The following DMD variants were observed in gnomAD, a reference collection of about 807,000 sequenced individuals.
DMD encodes the protein dystrophin, also known as mutant dystrophin.
A neutral mutation model predicts 330.1 loss-of-function variants in DMD; 63 were observed. That is an observed-to-expected ratio of 0.19 (90% CI 0.16 to 0.24). The LOEUF is 0.24. DMD is among the 10% of genes least tolerant of loss of function. DMD has a pLI of 1.00. For synonymous variants in DMD, 1,223 were observed against 959.8 expected, an observed-to-expected ratio of 1.27 and a Z score of -5.07; for missense variants, 3,344 against 2,684.1, an observed-to-expected ratio of 1.25 and a Z score of -5.43.
chrX:31,837,653 C>T (rs2093231432), intron 48 of DMD, among the ~76,000 whole-genome samples: 1 of 111,472 alleles, frequency 9.0e-6, no homozygotes, highest in African/African-American at 3.3e-5. Context: ...GAGAGCAGCT[C>T]CTGATTAACC....
chrX:32,975,510 C>T (rs1232987561), intron 2 of DMD, among the ~76,000 whole-genome samples: 2 of 109,101 alleles, frequency 1.8e-5, no homozygotes, highest in South Asian at 4.0e-4. Flanking sequence ...ACAACAAAAT[C>T]GTGATTTTGT....
chrX:32,666,581 C>T (rs2061318257), intron 9 of DMD, among the ~76,000 whole-genome samples: 1 of 110,956 alleles, frequency 9.0e-6, no homozygotes, highest in Non-Finnish European at 1.9e-5. Context: ...ATATGTGCCA[C>T]ATTTTCTTTA....
At chrX:31,234,663 ATCAGTACACG>A (rs1432399047) in intron 63 of DMD, among the ~76,000 whole-genome samples, 1 of 112,352 alleles carries the variant, frequency 8.9e-6, no homozygotes, top group Non-Finnish European at 1.9e-5. Flanking sequence ...CCTGTAAAAA[ATCAGTACACG>A]TATCCCAGGT....
At chrX:32,794,207 C>CA (rs998129705) in intron 7 of DMD, among the ~76,000 whole-genome samples, 1 of 111,038 alleles carries the variant, frequency 9.0e-6, no homozygotes, top group African/African-American at 3.3e-5. Context: ...ACTAGGCATA[C>CA]AAAAAAAATT....
intron 54 of DMD, among the ~76,000 whole-genome samples, chrX:31,643,888 T>C (rs2079929141): frequency 8.9e-6 from 1 of 112,098 alleles, no homozygotes; most frequent in African/African-American, 3.2e-5. Context: ...ATGTGCTCAA[T>C]ATCTATTGCA....
intron 17 of DMD, among the ~76,000 whole-genome samples, chrX:32,537,329 A>G (rs1024335483): frequency 1.8e-5 from 2 of 111,677 alleles, no homozygotes; most frequent in African/African-American, 6.5e-5. Context: ...ATAGGTGATG[A>G]TAAAGATTAT....
chrX:31,585,377 G>A (rs1168836477), intron 55 of DMD, among the ~76,000 whole-genome samples: 1 of 107,779 alleles, frequency 9.3e-6, no homozygotes, highest in Non-Finnish European at 1.9e-5. Context: ...CAGAGGGTGG[G>A]ACCACTGTTA....
chrX:31,337,505 G>A (rs962240667), intron 61 of DMD, among the ~76,000 whole-genome samples: 15 of 112,328 alleles, frequency 1.3e-4, no homozygotes, highest in African/African-American at 4.8e-4. Context: ...CAAACTGGTT[G>A]TGTTCTGAAA....
At chrX:33,184,720 C>CTTTTTT (rs11317329) in intron 1 of DMD, among the ~76,000 whole-genome samples, 21 of 51,073 alleles carry the variant, frequency 4.1e-4, no homozygotes, top group East Asian at 3.3e-3. Flanking sequence ...TTTTTTCTTT[C>CTTTTTT]TTTTTTTTTT....
intron 1 of DMD, among the ~76,000 whole-genome samples, chrX:33,056,171 C>CGT (rs2094514545): frequency 1.8e-5 from 2 of 110,381 alleles, no homozygotes; most frequent in Admixed American, 9.8e-5. Flanking sequence ...GAGACAGCCC[C>CGT]AGGCTGCCTA....
chrX:33,266,423 A>G lies in DMD; in HGVS notation c.7+72836T>C, dbSNP rs138316442. ...AAAACCAAAGAAAAATAAATAACCA[A>G]AAGAGAAGCTGCAAAAGTGTTTCAT... is the stretch of plus-strand genomic sequence containing the variant. On this transcript the variant is annotated intron_variant, in intron 1 of 17. Coordinates refer to the DMD transcript ENST00000288447. 2.7e-3 allele frequency among the ~76,000 whole-genome samples: 305 copies of G among 112,029 alleles called. 5 individuals are homozygous for G. In the East Asian group the frequency reaches 0.037, roughly 14 times the overall value.
intron 63 of DMD, among the ~76,000 whole-genome samples, chrX:31,259,073 A>G (rs1442601885): frequency 8.9e-6 from 1 of 111,834 alleles, no homozygotes; most frequent in Non-Finnish European, 1.9e-5. Flanking sequence ...GGGGTTACGA[A>G]TGATTTGTCT....
At chrX:31,951,143 G>GTATATATATATATGTA (rs2095164931) in intron 45 of DMD, among the ~76,000 whole-genome samples, 6 of 74,325 alleles carry the variant, frequency 8.1e-5, no homozygotes, top group Admixed American at 6.2e-4. Context: ...ATATATATGT[G>GTATATATATATATGTA]TATATATATA....
intron 1 of DMD, among the ~76,000 whole-genome samples, chrX:33,184,522 A>T (rs964569803): frequency 2.3e-4 from 26 of 111,124 alleles, no homozygotes; most frequent in Non-Finnish European, 4.0e-4. Context: ...ACAATTGTTT[A>T]AATTGTGTGC....
chrX:32,544,615 A>G (rs1454377531), intron 17 of DMD, among the ~76,000 whole-genome samples: 1 of 111,532 alleles, frequency 9.0e-6, no homozygotes, highest in Non-Finnish European at 1.9e-5. Context: ...TCAGTTAAAA[A>G]TTCTAACACC....
At chrX:31,352,606 A>G (rs1210660126) in intron 60 of DMD, among the ~76,000 whole-genome samples, 3 of 112,076 alleles carry the variant, frequency 2.7e-5, no homozygotes, top group African/African-American at 9.7e-5. Context: ...TCCAGTGTAC[A>G]TTCAATATTG....
At chrX:32,664,508 T>G (rs1218593742) in intron 9 of DMD, among the ~76,000 whole-genome samples, 1 of 110,670 alleles carries the variant, frequency 9.0e-6, no homozygotes, top group Non-Finnish European at 1.9e-5. Flanking sequence ...CTCAAAGTGC[T>G]GGGATTACAG....
intron 11 of DMD, 22 bp from the exon 12 acceptor site, chrX:32,614,475 A>T: frequency 8.5e-7 from 1 of 1,174,304 alleles, no homozygotes; most frequent in Non-Finnish European, 1.2e-6. Flanking sequence ...AAAGAAGCCT[A>T]TTATGACCTC....
At chrX:32,623,729 G>T (rs985896306) in intron 11 of DMD, among the ~76,000 whole-genome samples, 2 of 110,188 alleles carry the variant, frequency 1.8e-5, no homozygotes, top group African/African-American at 6.6e-5. Context: ...GTCTCCCTAT[G>T]TTGCCCAGGC....
Sources: allele counts gnomAD v4.1 joint callset (sites outside exome capture counted in the v4.1 genomes callset), GRCh38; gene constraint gnomAD v4.1.1; transcripts MANE v1.5; gene names NCBI Gene and HGNC (gene_info 2026-07-23, HGNC 2026-07-21).